The following USP47 variants were observed in gnomAD, a reference collection of about 807,000 sequenced individuals.
USP47 encodes the protein ubiquitin carboxyl-terminal hydrolase 47.
USP47 carries 35 observed loss-of-function variants against 165.1 expected under a neutral mutation model. The observed-to-expected ratio is 0.21, with a 90% CI of 0.16 to 0.28. The LOEUF (loss-of-function observed/expected upper bound fraction) is 0.28, where lower values mean the gene tolerates loss of function less well. Ranked by LOEUF, USP47 falls within the 10% of genes least tolerant of loss-of-function variation. The pLI is 1.00. For synonymous variants in USP47, 531 were observed against 544.5 expected (o/e 0.98, Z 0.35); for missense variants, 1,277 against 1,607.4 (o/e 0.79, Z 3.52).
chr11:11,900,371 A>G (rs1317554227), intron 5 of USP47, among the ~76,000 whole-genome samples: 3 of 152,076 alleles, frequency 2.0e-5, no homozygotes, highest in South Asian at 2.1e-4. Context: ...CGTGTTAGCC[A>G]GGATGGTCTC....
Position 11,959,554 on chromosome 11 carries a change from A to C in USP47, c.*3379A>C, listed in dbSNP as rs1847364283. ...AAGATGCTTCTTGATTGTAGTTCCC[A>C]TGGGGAAGAGGGAGGCTGTGATCAT... On this transcript the variant is annotated 3_prime_UTR_variant, in exon 28 of 28. Transcript: ENST00000527733. Among the ~76,000 whole-genome samples, 1 of 152,194 alleles carries C rather than the reference A, an allele frequency of 6.6e-6. No individual in the cohort carries two copies. The highest frequency in any genetic ancestry group is 1.5e-5 in the Non-Finnish European group (1 of 68,030).
chr11:11,940,683 A>G, intron 19 of USP47, 135 bp downstream of exon 19: 2 of 966,920 alleles, frequency 2.1e-6, no homozygotes, highest in Middle Eastern at 3.4e-4. Context: ...CAACCCAGTA[A>G]TTACCTTCCT....
intron 1 of USP47, among the ~76,000 whole-genome samples, chr11:11,855,962 G>A (rs1048916021): frequency 1.3e-5 from 2 of 152,174 alleles, no homozygotes; most frequent in Non-Finnish European, 2.9e-5. Context: ...CATAGAGCGG[G>A]GAGCAGCTGG....
At position 11,942,953 on chromosome 11, in the gene USP47, G is replaced by T. The variant is rs1435829865; in HGVS notation, c.2932G>T (p.Ala978Ser). ...TATCACAAGTAGTAGAAGAACGAAA[G>T]CAAATGAAGGGAAAAAAGAAACATG... is the stretch of plus-strand genomic sequence containing the variant. ...HSITSSRRTK[A>S]NEGKKETWDT... The change falls in exon 20 of 28, where the codon GCA becomes TCA. Residue 978 changes from alanine to serine, a missense_variant. Ala to Ser is a moderately conservative substitution (Grantham distance 99, BLOSUM62 1). This residue lies in a region of USP47 where 909 missense variants were observed against 1,068.1 expected (regional missense o/e 0.85). Coordinates refer to ENST00000527733, the MANE Select transcript of USP47 (RefSeq NM_001282659.2). 2.5e-6 allele frequency: 4 copies of T among 1,613,482 alleles called. No individual in the cohort carries two copies. Among genetic ancestry groups the T allele is most frequent in the Non-Finnish European group, 2.5e-6 (3 of 1,179,698 alleles).
intron 20 of USP47, among the ~76,000 whole-genome samples, chr11:11,946,754 CAAATTAA>C (rs1337940187): frequency 1.3e-5 from 2 of 151,890 alleles, no homozygotes; most frequent in Non-Finnish European, 2.9e-5. Context: ...ACATTTTAAA[CAAATTAA>C]GAGAAATGCT....
intron 1 of USP47, among the ~76,000 whole-genome samples, chr11:11,861,357 A>G (rs1187155134): frequency 6.6e-6 from 1 of 152,078 alleles, no homozygotes; most frequent in South Asian, 2.1e-4. Flanking sequence ...TGGCCTCTGA[A>G]AGTGCTGGGA....
chr11:11,905,604 C>G, intron 8 of USP47, 56 bp downstream of exon 8: 3 of 1,489,022 alleles, frequency 2.0e-6, no homozygotes, highest in Non-Finnish European at 2.7e-6. Context: ...CATAATAGCA[C>G]AGTGGTATAA....
At chr11:11,876,066 T>C (rs771200574) in intron 1 of USP47, among the ~76,000 whole-genome samples, 1 of 152,240 alleles carries the variant, frequency 6.6e-6, no homozygotes, top group African/African-American at 2.4e-5. Context: ...TTGCTATGAG[T>C]TGCCTGTAAA....
In USP47 at chr11:11,947,957, A is replaced by G. The variant is rs1855955979; in HGVS notation, c.3104A>G (p.His1035Arg). Reference sequence around the variant, plus strand: ...TTTTTGTGCTTAGGGTTGATGGTGCATGTTGATAAAAGAATTACTCTGGCA... The same window carrying G: ...TTTTTGTGCTTAGGGTTGATGGTGCGTGTTGATAAAAGAATTACTCTGGCA... ...SGEGHKWLMV[H>R]VDKRITLAAF... The change falls in exon 21 of 28, where the codon CAT becomes CGT. Residue 1035 changes from histidine (H) to arginine (R), a missense_variant. Around this residue, in one of 4 missense-constraint regions of USP47, gnomAD observed 909 missense variants for 1,068.1 expected, o/e 0.85. Coordinates refer to ENST00000527733, the MANE Select transcript of USP47 (RefSeq NM_001282659.2). The G allele has an allele frequency of 1.2e-6, 2 of 1,607,306 alleles. No individual in the cohort carries two copies. Among genetic ancestry groups the G allele is most frequent in the South Asian group, 1.1e-5 (1 of 89,472 alleles).
At chr11:11,855,819 A>G (rs977436428) in intron 1 of USP47, among the ~76,000 whole-genome samples, 1 of 152,198 alleles carries the variant, frequency 6.6e-6, no homozygotes, top group Non-Finnish European at 1.5e-5. Context: ...TTGAGTTAGT[A>G]GCTGCCAAGA....
Position 11,956,134 on chromosome 11 carries a change from T to C in USP47, c.4027T>C (p.Tyr1343His), listed in dbSNP as rs371651670. The change falls in exon 28 of 28, where the codon TAT (tyrosine) becomes CAT (histidine). Residue 1343 changes from tyrosine to histidine, a missense_variant. Tyr to His is a moderately conservative substitution (Grantham distance 83). Around this residue, in one of 4 missense-constraint regions of USP47, gnomAD observed 909 missense variants for 1,068.1 expected, o/e 0.85. Coordinates refer to ENST00000527733, the MANE Select transcript of USP47 (RefSeq NM_001282659.2). ...TCGTAAAGAGAAAGCACTAAAAATA[T>C]ATCTGGATGGAGCACCAAATAAAGA... ...SPRKEKALKI[Y>H]LDGAPNKDLT... The C allele has an allele frequency of 6.1e-5, 98 of 1,613,990 alleles. No individual in the cohort carries two copies. Among genetic ancestry groups the C allele is most frequent in the East Asian group, 1.6e-4 (7 of 44,832 alleles).
chr11:11,913,216 A>G (rs1853134539), intron 8 of USP47, among the ~76,000 whole-genome samples: 1 of 127,788 alleles, frequency 7.8e-6, no homozygotes, highest in Non-Finnish European at 1.6e-5. Context: ...AATTGTCTGT[A>G]TTTTTAGGTG....
intron 27 of USP47, among the ~76,000 whole-genome samples, chr11:11,955,425 T>C (rs1856501500): frequency 6.6e-6 from 1 of 152,224 alleles, no homozygotes; most frequent in African/African-American, 2.4e-5. Flanking sequence ...GTCATCAGTA[T>C]AAAAAATCAT....
chr11:11,960,999 T>A lies in USP47; in HGVS notation c.*4824T>A, dbSNP rs1847429129. On this transcript the variant is annotated 3_prime_UTR_variant, in exon 28 of 28. Transcript: ENST00000527733. ...GGCTATGGTTCATCATGCAAATAGC[T>A]CCTGTGTCAGAAATGCTTTTTGGCT... 6.6e-6 allele frequency among the ~76,000 whole-genome samples: 1 copy of A among 152,134 alleles called. No individual in the cohort carries two copies. The highest frequency in any genetic ancestry group is 6.5e-5 in the Admixed American group (1 of 15,268).
At chr11:11,849,106 T>C (rs1174457514) in intron 1 of USP47, among the ~76,000 whole-genome samples, 1 of 151,532 alleles carries the variant, frequency 6.6e-6, no homozygotes, top group Non-Finnish European at 1.5e-5. Flanking sequence ...TTCACTATTA[T>C]TGCACAAGCT....
rs562946617 is a variant in USP47, at chr11:11,885,947, A to G, written c.357+1367A>G. Among the ~76,000 whole-genome samples the G allele has an allele frequency of 3.9e-4, 60 of 152,348 alleles. 1 individual carries two copies. Among genetic ancestry groups the G allele is most frequent in the Admixed American group, 3.5e-3 (54 of 15,300 alleles). ...GGTGATACCTCCAGGTATGGGAAAA[A>G]CTGAGGCAACTAGGGTCTGGAGTGG... On this transcript the variant is annotated intron_variant, in intron 3 of 27. Transcript: ENST00000527733.
intron 20 of USP47, chr11:11,943,662 G>A (rs1356259774): frequency 1.3e-5 from 2 of 151,970 alleles, no homozygotes; most frequent in African/African-American, 4.8e-5. Flanking sequence ...TCAGAAAGAG[G>A]GAAAAGATCT....
intron 17 of USP47, 35 bp downstream of exon 17, chr11:11,936,545 A>G: frequency 6.9e-7 from 1 of 1,457,460 alleles, no homozygotes; most frequent in Non-Finnish European, 9.1e-7. Context: ...GTTGTTCTGT[A>G]CTTAGAATTT....
intron 8 of USP47, among the ~76,000 whole-genome samples, chr11:11,919,002 C>T (rs1221605083): frequency 2.0e-5 from 3 of 151,286 alleles, no homozygotes; most frequent in Non-Finnish European, 3.0e-5. Flanking sequence ...CATTTGACCA[C>T]CAATAAAATG....
Sources: gnomAD v4.1 joint callset for allele counts (sites outside exome capture counted in the v4.1 genomes callset) on GRCh38, gnomAD v4.1.1 for gene constraint, gnomAD v4.1.1 regional missense constraint, MANE v1.5 for transcripts, NCBI Gene and HGNC (gene_info 2026-07-23, HGNC 2026-07-21) for gene names.